Variants in MPND observed in about 807,000 individuals in gnomAD.
The protein encoded by MPND is MPN domain containing.
MPND carries 56 observed loss-of-function variants against 59.2 expected under a neutral mutation model. The observed-to-expected ratio is 0.95, with a 90% CI of 0.76 to 1.18. MPND has a LOEUF of 1.18. Ranked by LOEUF, MPND falls within the 50% of genes most tolerant of loss-of-function variation. MPND has a pLI of 0.00. For missense variants in MPND, 671 were observed against 676.0 expected (o/e 0.99, Z 0.08); for synonymous variants, 323 against 291.9 (o/e 1.11, Z -1.09).
rs760037961 is a variant in MPND at position 4,357,405 on chromosome 19, C to T, written c.1149C>T (p.Cys383=). 6.2e-7 allele frequency: 1 copy of T among 1,612,514 alleles called. No homozygotes were observed. Among genetic ancestry groups the T allele is most frequent in the African/African-American group, 1.3e-5 (1 of 74,958 alleles). ...GCTCCAGCAATGGCTTCCAGCCCTG[C>T]CTCGCCCTGCTCTGCTGTACGCGGG... ...LQGSSNGFQP[C]LALLCSPYYS... The change falls in exon 9 of 13, where the codon TGC becomes TGT. Residue 383 remains cysteine (C), a synonymous_variant. Transcript: ENST00000599840.
At chr19:4,354,513 C>T in intron 6 of MPND, 93 bp downstream of exon 6, 1 of 1,028,254 alleles carries the variant, frequency 9.7e-7, no homozygotes, top group Non-Finnish European at 1.5e-6. Context: ...TCCATGAGAG[C>T]TGGGGCCTTG....
chr19:4,351,861 C>CAAAAAAAAAAAAA (rs1217874445), intron 3 of MPND, among the ~76,000 whole-genome samples: 1 of 51,390 alleles, frequency 1.9e-5, no homozygotes, highest in Non-Finnish European at 3.5e-5. Flanking sequence ...GACTCTGTCT[C>CAAAAAAAAAAAAA]AAAAAAAAAA....
chr19:4,348,254 C>CATTT (rs1972231726), intron 3 of MPND: 1 of 84,628 alleles, frequency 1.2e-5, no homozygotes, highest in African/African-American at 5.1e-5. Flanking sequence ...TTGCAAATTT[C>CATTT]TTTTTTTTTT....
intron 3 of MPND, among the ~76,000 whole-genome samples, 187 bp from the exon 4 acceptor site, chr19:4,352,710 A>G (rs1436211239): frequency 9.8e-6 from 1 of 102,534 alleles, no homozygotes; most frequent in Non-Finnish European, 1.9e-5. Flanking sequence ...AAAATAAATT[A>G]CAAATAAATA....
At chr19:4,345,685 C>T in intron 2 of MPND, 60 bp from the exon 3 acceptor site, 3 of 1,537,288 alleles carry the variant, frequency 2.0e-6, no homozygotes, top group Non-Finnish European at 1.8e-6. Context: ...GGAGGACCCC[C>T]CGGGAGAGAG....
Position 4,343,724 on chromosome 19 carries a change from C to G in MPND, c.24C>G (p.Ser8=), listed in dbSNP as rs1054556472. ...TGTCCGCAGCTCCGGAGCCGCTGTC[C>G]CCGGCGGGCGGTGCGGGCGAGGAGG... MAAPEPL[S]PAGGAGEEAP... is the part of the protein sequence containing the mutation. The change falls in exon 2 of 13, where the codon TCC becomes TCG. Residue 8 remains serine, a synonymous_variant. Coordinates refer to ENST00000599840, the MANE Select transcript of MPND (RefSeq NM_001300862.2). 1.2e-5 allele frequency: 15 copies of G among 1,205,076 alleles called. No individual in the cohort carries two copies. Among genetic ancestry groups the G allele is most frequent in the African/African-American group, 1.6e-5 (1 of 63,090 alleles). 74.6% of individuals were successfully genotyped at this position (1,205,076 alleles called of 1,614,324 possible).
At chr19:4,347,604 C>A (rs1972214954) in intron 3 of MPND, among the ~76,000 whole-genome samples, 1 of 152,046 alleles carries the variant, frequency 6.6e-6, no homozygotes, top group African/African-American at 2.4e-5. Context: ...GGAGTTAACA[C>A]TAGTCCATGT....
rs1218900585 is a variant in MPND at position 4,355,199 on chromosome 19, T to C, written c.996+26T>C. ...GTGAGGGGCTACCTGGGAGGTGGCATTCTGGGGAGGGTTGGGAAGGGACAT... is the reference window on the plus strand; with the variant it reads ...GTGAGGGGCTACCTGGGAGGTGGCACTCTGGGGAGGGTTGGGAAGGGACAT... On this transcript the variant is annotated intron_variant, in intron 8 of 12. Coordinates refer to ENST00000599840, the MANE Select transcript of MPND (RefSeq NM_001300862.2). The C allele has an allele frequency of 1.9e-6, 3 of 1,610,344 alleles. No individual in the cohort carries two copies. In the African/African-American group the frequency reaches 4.0e-5, roughly 22 times the overall value.
chr19:4,344,562 G>A (rs1228134676), intron 2 of MPND, among the ~76,000 whole-genome samples: 2 of 152,136 alleles, frequency 1.3e-5, no homozygotes, highest in Non-Finnish European at 2.9e-5. Flanking sequence ...GCTCAGAGAG[G>A]AGCCACCACC....
intron 3 of MPND, among the ~76,000 whole-genome samples, chr19:4,349,368 A>T (rs866149405): frequency 6.6e-6 from 1 of 152,066 alleles, no homozygotes; most frequent in African/African-American, 2.4e-5. Context: ...GAGCCACCGC[A>T]GCCAGTCACG....
chr19:4,359,479 C>T (rs1261541226), intron 12 of MPND, among the ~76,000 whole-genome samples: 1 of 152,128 alleles, frequency 6.6e-6, no homozygotes, highest in African/African-American at 2.4e-5. Context: ...GAGGTCCTGG[C>T]AGCGGGTTTT....
In MPND at chr19:4,352,842, G is replaced by C. The variant is rs540006619; in HGVS notation, c.532-55G>C. ...GCTGGGGTGGGATTTAGCAGGGAGC[G>C]GGGGGGCACCCAGCTGAGGGTCCCA... On this transcript the variant is annotated intron_variant, in intron 3 of 12. Transcript: ENST00000599840. The C allele has an allele frequency of 7.0e-3, 9,151 of 1,299,122 alleles. 93 individuals carry two copies. Among genetic ancestry groups the C allele is most frequent in the Middle Eastern group, 0.049 (222 of 4,526 alleles). 80.5% of individuals were successfully genotyped at this position (1,299,122 alleles called of 1,614,324 possible). A position where few individuals can be genotyped will look rare whatever the true frequency, so the allele number is the denominator to read the frequency against.
At chr19:4,357,644 C>T (rs1302617253) in intron 10 of MPND, 59 bp downstream of exon 10, 40 of 1,522,004 alleles carry the variant, frequency 2.6e-5, no homozygotes, top group Non-Finnish European at 2.6e-5. Flanking sequence ...ATTTGGGTCA[C>T]GACTAGGCAG....
rs192464403 is a variant in MPND at position 4,351,542 on chromosome 19, A to C, written c.532-1355A>C. On this transcript the variant is annotated intron_variant, in intron 3 of 12. Coordinates refer to ENST00000599840, the MANE Select transcript of MPND (RefSeq NM_001300862.2). ...CCTGATGCCATCCCCGTGGAGTTGG[A>C]GGTCATTGTGCCCTTTTACAGATAA... Among the ~76,000 whole-genome samples the C allele has an allele frequency of 3.1e-3, 464 of 152,038 alleles. 5 individuals are homozygous for C. The highest frequency in any genetic ancestry group is 0.01 in the African/African-American group (431 of 41,490).
chr19:4,350,090 G>T (rs1212318128), intron 3 of MPND, among the ~76,000 whole-genome samples: 1 of 151,800 alleles, frequency 6.6e-6, no homozygotes, highest in Non-Finnish European at 1.5e-5. Flanking sequence ...TGGTTGGGGG[G>T]GCTTCACTGA....
chr19:4,358,353 C>T (rs1478082520), intron 11 of MPND, 181 bp downstream of exon 11: 1 of 596,696 alleles, frequency 1.7e-6, no homozygotes, highest in Non-Finnish European at 3.0e-6. Context: ...GTCCCTCCAA[C>T]TTCTGCCCTC....
At chr19:4,353,956 T>G in intron 4 of MPND, 89 bp from the exon 5 acceptor site, 1 of 1,117,196 alleles carries the variant, frequency 9.0e-7, no homozygotes, top group Non-Finnish European at 1.3e-6. Flanking sequence ...AGCACTGGGA[T>G]TATAGGCATG....
rs374021802 is a variant in MPND at position 4,357,510 on chromosome 19, G to A, written c.1166-5G>A. 40 of 1,612,872 alleles carry A rather than the reference G, an allele frequency of 2.5e-5. No individual in the cohort carries two copies. The highest frequency in any genetic ancestry group is 5.3e-5 in the African/African-American group (4 of 74,924). ...GGGCCAACCCCTCTCCCTCTCTCCC[G>A]CCAGCCCCTTACTATTCTGGCAACC... is the stretch of plus-strand genomic sequence containing the variant. On this transcript the variant is annotated splice_polypyrimidine_tract_variant and splice_region_variant and intron_variant, in intron 9 of 12. Transcript: ENST00000599840.
Position 4,345,752 on chromosome 19 carries a change from A to T in MPND, c.302A>T (p.Lys101Met). Residue 101 changes from lysine (K) to methionine (M), a missense_variant, in exon 3 of 13, where the codon AAG becomes ATG. Coordinates refer to ENST00000599840, the MANE Select transcript of MPND (RefSeq NM_001300862.2). ...AGCTGACTGTCACTGCAGGGGAAGA[A>T]GTTCCTGGGCGACCTGCAGCCAGAC... is the stretch of plus-strand genomic sequence containing the variant. Reference protein sequence around the residue: ...GVLSIYYLGKKFLGDLQPDGR... With the variant: ...GVLSIYYLGKMFLGDLQPDGR... The T allele has an allele frequency of 1.2e-6, 2 of 1,613,824 alleles. No homozygotes were observed. Among genetic ancestry groups the T allele is most frequent in the East Asian group, 2.2e-5 (1 of 44,888 alleles).
Sources: allele counts gnomAD v4.1 joint callset (sites outside exome capture counted in the v4.1 genomes callset), GRCh38; gene constraint gnomAD v4.1.1; transcripts MANE v1.5; gene names NCBI Gene and HGNC (gene_info 2026-07-23, HGNC 2026-07-21).